The following HSD17B2 variants were observed in gnomAD, a reference collection of about 807,000 sequenced individuals.
The protein encoded by HSD17B2 is 17-beta-hydroxysteroid dehydrogenase type 2.
In HSD17B2, 32 loss-of-function variants were observed where a neutral mutation model predicts 26.9. That is an observed-to-expected ratio of 1.19 (90% CI 0.90 to 1.60). The LOEUF (loss-of-function observed/expected upper bound fraction) is 1.60, where lower values mean the gene tolerates loss of function less well. HSD17B2 is among the 40% of genes most tolerant of loss of function. The pLI is 0.00. For missense variants in HSD17B2, 613 were observed against 468.6 expected (o/e 1.31, Z -2.85); for synonymous variants, 246 against 186.7 (o/e 1.32, Z -2.59).
intron 3 of HSD17B2, 76 bp downstream of exon 3, chr16:82,071,203 C>A: frequency 1.4e-6 from 2 of 1,421,136 alleles, no homozygotes; most frequent in Non-Finnish European, 2.0e-6. Flanking sequence ...TGTGGGCGAA[C>A]AAAAATGCAG....
Position 82,098,459 on chromosome 16 carries a change from T to C in HSD17B2, c.*23T>C. On this transcript the variant is annotated 3_prime_UTR_variant, in exon 5 of 5. Transcript: ENST00000199936. ...TAGGCAATGGAAGCCCTCAAAGAAG[T>C]CGGAATGTCATAGTCTTGAAATGAA... The C allele has an allele frequency of 1.3e-6, 2 of 1,562,908 alleles. No individual in the cohort carries two copies. Among genetic ancestry groups the C allele is most frequent in the Non-Finnish European group, 1.7e-6 (2 of 1,158,196 alleles).
rs8191070 is a variant in HSD17B2, at chr16:82,046,958, C to G, written c.265+11269C>G. On this transcript the variant is annotated intron_variant, in intron 1 of 4. Coordinates refer to ENST00000199936, the MANE Select transcript of HSD17B2 (RefSeq NM_002153.3). Reference sequence around the variant, plus strand: ...TGCAAAAAGGTAGATGGCAAGTGTGCTCCCCTTGAGGGAAAGGGGTATTGG... The same window carrying G: ...TGCAAAAAGGTAGATGGCAAGTGTGGTCCCCTTGAGGGAAAGGGGTATTGG... 4.9e-3 allele frequency among the ~76,000 whole-genome samples: 739 copies of G among 152,344 alleles called. 8 individuals are homozygous for G. The highest frequency in any genetic ancestry group is 0.017 in the African/African-American group (700 of 41,576).
intron 1 of HSD17B2, among the ~76,000 whole-genome samples, chr16:82,040,227 C>T (rs1309517750): frequency 7.6e-6 from 1 of 131,202 alleles, no homozygotes; most frequent in Admixed American, 7.6e-5. Context: ...AATTACTGAA[C>T]AGTCCAAATA....
chr16:82,083,070 T>G (rs989275737), intron 3 of HSD17B2, among the ~76,000 whole-genome samples: 5 of 152,174 alleles, frequency 3.3e-5, no homozygotes, highest in African/African-American at 1.2e-4. Flanking sequence ...ATTTTTTGCT[T>G]TCTACTAGCT....
At chr16:82,069,681 G>A (rs1914653472) in intron 2 of HSD17B2, among the ~76,000 whole-genome samples, 1 of 152,300 alleles carries the variant, frequency 6.6e-6, no homozygotes, top group Non-Finnish European at 1.5e-5. Flanking sequence ...TATACCAAGA[G>A]TTCTCAATCC....
intron 1 of HSD17B2, among the ~76,000 whole-genome samples, chr16:82,042,375 G>A (rs919384041): frequency 2.6e-5 from 4 of 152,056 alleles, no homozygotes; most frequent in African/African-American, 9.7e-5. Context: ...TGACAGGCGT[G>A]AGCCAGAACT....
At chr16:82,067,609 G>A (rs1309754086) in intron 1 of HSD17B2, among the ~76,000 whole-genome samples, 1 of 152,122 alleles carries the variant, frequency 6.6e-6, no homozygotes, top group African/African-American at 2.4e-5. Flanking sequence ...CATGGCTCAG[G>A]GCAGACCATG....
chr16:82,042,996 T>C (rs1913808794), intron 1 of HSD17B2, among the ~76,000 whole-genome samples: 1 of 152,264 alleles, frequency 6.6e-6, no homozygotes, highest in African/African-American at 2.4e-5. Context: ...TTCCAACTTC[T>C]GCTCTGGTTC....
At position 82,076,205 on chromosome 16, in the gene HSD17B2, T is replaced by TA. The variant is rs957984697; in HGVS notation, c.664+5087dup. On this transcript the variant is annotated intron_variant, in intron 3 of 4. Transcript: ENST00000199936. ...TCCCTTTATGATAAAAACCCTCAAT[T>TA]AAAAAAAAACTGTGTATAGAAGGAA... Among the ~76,000 whole-genome samples the TA allele has an allele frequency of 1.6e-3, 244 of 150,980 alleles. 1 individual carries two copies. Among genetic ancestry groups the TA allele is most frequent in the African/African-American group, 5.3e-3 (220 of 41,212 alleles).
intron 1 of HSD17B2, among the ~76,000 whole-genome samples, chr16:82,061,793 T>A (rs1914445852): frequency 6.6e-6 from 1 of 152,228 alleles, no homozygotes; most frequent in Non-Finnish European, 1.5e-5. Context: ...CTGTGAGCTT[T>A]TATTTCTTGT....
At chr16:82,073,718 G>C (rs8191191) in intron 3 of HSD17B2, among the ~76,000 whole-genome samples, 1 of 151,968 alleles carries the variant, frequency 6.6e-6, no homozygotes, top group African/African-American at 2.4e-5. Flanking sequence ...CAAACAAATG[G>C]AAAAAATCTC....
intron 3 of HSD17B2, among the ~76,000 whole-genome samples, chr16:82,088,131 G>T (rs1288502184): frequency 1.3e-5 from 2 of 152,192 alleles, no homozygotes; most frequent in African/African-American, 4.8e-5. Flanking sequence ...ACTTGAATAA[G>T]TATTAAGTGC....
At chr16:82,079,326 G>A (rs1341528210) in intron 3 of HSD17B2, among the ~76,000 whole-genome samples, 2 of 152,202 alleles carry the variant, frequency 1.3e-5, no homozygotes, top group African/African-American at 4.8e-5. Context: ...GGAAGTCGAA[G>A]ACCAAGGTGT....
chr16:82,050,968 C>G (rs1031651077), intron 1 of HSD17B2, among the ~76,000 whole-genome samples: 1 of 152,188 alleles, frequency 6.6e-6, no homozygotes, highest in Non-Finnish European at 1.5e-5. Flanking sequence ...AAAAATGTCT[C>G]TAGACAATGC....
intron 3 of HSD17B2, among the ~76,000 whole-genome samples, chr16:82,072,246 G>A (rs903513563): frequency 6.6e-6 from 1 of 152,136 alleles, no homozygotes; most frequent in South Asian, 2.1e-4. Context: ...TGGGGGAGAC[G>A]AAGTGTCCTC....
chr16:82,054,965 G>C (rs1229734627), intron 1 of HSD17B2, among the ~76,000 whole-genome samples: 1 of 152,152 alleles, frequency 6.6e-6, no homozygotes, highest in African/African-American at 2.4e-5. Context: ...CTTAACATTT[G>C]AGGCCAGATG....
At chr16:82,046,227 C>T (rs529842160) in intron 1 of HSD17B2, among the ~76,000 whole-genome samples, 77 of 151,922 alleles carry the variant, frequency 5.1e-4, no homozygotes, top group African/African-American at 1.4e-3. Context: ...TTAATTCTAG[C>T]GGAGGAAGAC....
At chr16:82,091,298 G>A (rs1043420343) in intron 4 of HSD17B2, 5 of 493,142 alleles carry the variant, frequency 1.0e-5, no homozygotes, top group African/African-American at 5.8e-5. Flanking sequence ...GCATGGCTCA[G>A]TAAGTCAGAT....
intron 1 of HSD17B2, among the ~76,000 whole-genome samples, chr16:82,057,176 C>T (rs1482249872): frequency 2.0e-5 from 3 of 151,626 alleles, no homozygotes; most frequent in African/African-American, 7.3e-5. Context: ...GAAGGAAGAG[C>T]ATAACTCCCC....
Sources: allele counts gnomAD v4.1 joint callset (sites outside exome capture counted in the v4.1 genomes callset), GRCh38; gene constraint gnomAD v4.1.1; transcripts MANE v1.5; gene names NCBI Gene and HGNC (gene_info 2026-07-23, HGNC 2026-07-21).